The following STXBP5L variants were observed in gnomAD, a reference collection of about 807,000 sequenced individuals.
STXBP5L encodes syntaxin-binding protein 5-like.
In STXBP5L, 65 loss-of-function variants were observed where a neutral mutation model predicts 144.5. The observed-to-expected ratio is 0.45, with a 90% confidence interval of 0.37 to 0.55. STXBP5L has a LOEUF of 0.55. Ranked by LOEUF, STXBP5L falls within the 20% of genes least tolerant of loss-of-function variation. The probability of loss-of-function intolerance (pLI) is 0.00; values close to 1 mark genes in which losing one functional copy is unlikely to be tolerated. For synonymous variants in STXBP5L, 505 were observed against 469.6 expected (o/e 1.08, Z -0.97); for missense variants, 1,298 against 1,405.5 (o/e 0.92, Z 1.22).
chr3:121,213,447 C>A (rs913030273), intron 10 of STXBP5L, among the ~76,000 whole-genome samples: 13 of 152,254 alleles, frequency 8.5e-5, no homozygotes, highest in African/African-American at 2.6e-4. Flanking sequence ...AAGGCCTTTT[C>A]TACATCTATT....
chr3:121,042,422 T>C (rs1947224156), intron 4 of STXBP5L, among the ~76,000 whole-genome samples: 1 of 152,266 alleles, frequency 6.6e-6, no homozygotes, highest in South Asian at 2.1e-4. Context: ...ATCAGATTTT[T>C]ATAGTGGAAA....
chr3:120,911,621 T>C (rs1708845463), intron 2 of STXBP5L, among the ~76,000 whole-genome samples: 1 of 152,048 alleles, frequency 6.6e-6, no homozygotes, highest in African/African-American at 2.4e-5. Context: ...TGTTAAAGTT[T>C]GTAAAATCAC....
At chr3:121,192,935 C>G (rs572460163) in intron 9 of STXBP5L, among the ~76,000 whole-genome samples, 1 of 151,962 alleles carries the variant, frequency 6.6e-6, no homozygotes, top group East Asian at 1.9e-4. Context: ...AACTAAAACA[C>G]CAAAAGCAAT....
At chr3:121,003,260 A>G (rs1398472165) in intron 3 of STXBP5L, among the ~76,000 whole-genome samples, 2 of 152,204 alleles carry the variant, frequency 1.3e-5, no homozygotes, top group South Asian at 2.1e-4. Context: ...AACTGGTGTG[A>G]GACGGTATCT....
At chr3:121,225,718 A>C (rs1291411502) in intron 11 of STXBP5L, among the ~76,000 whole-genome samples, 1 of 152,204 alleles carries the variant, frequency 6.6e-6, no homozygotes, top group African/African-American at 2.4e-5. Flanking sequence ...CCACACCACA[A>C]ATCTTTGCCA....
chr3:121,125,841 G>C (rs1210766469), intron 7 of STXBP5L, among the ~76,000 whole-genome samples: 1 of 152,174 alleles, frequency 6.6e-6, no homozygotes, highest in African/African-American at 2.4e-5. Flanking sequence ...ACACAATTCT[G>C]AAGAGAGGGG....
intron 3 of STXBP5L, among the ~76,000 whole-genome samples, chr3:120,999,234 G>A (rs1412465922): frequency 6.6e-6 from 1 of 152,078 alleles, no homozygotes; most frequent in Non-Finnish European, 1.5e-5. Context: ...TGTATTTTTA[G>A]TAGAGATGTG....
chr3:120,978,867 T>C (rs1386894531), intron 3 of STXBP5L, among the ~76,000 whole-genome samples: 2 of 152,186 alleles, frequency 1.3e-5, no homozygotes, highest in African/African-American at 4.8e-5. Flanking sequence ...CAGATTTTCG[T>C]GAACCGCGAA....
At chr3:121,258,989 G>A in intron 17 of STXBP5L, 54 bp from the exon 18 acceptor site, 1 of 1,473,666 alleles carries the variant, frequency 6.8e-7, no homozygotes, top group Non-Finnish European at 9.1e-7. Context: ...CTCAAGATAA[G>A]TTTGACCATG....
rs2047399906 is a variant in STXBP5L, at chr3:121,423,634, T to G, written c.*4537T>G. 2 of 152,312 alleles carry G rather than the reference T, an allele frequency of 1.3e-5. No individual in the cohort carries two copies. The highest frequency in any genetic ancestry group is 4.1e-4 in the South Asian group (2 of 4,832). 9.4% of individuals were successfully genotyped at this position (152,312 alleles called of 1,614,324 possible). On this transcript the variant is annotated 3_prime_UTR_variant, in exon 27 of 27. Coordinates refer to ENST00000471454, the MANE Select transcript of STXBP5L (RefSeq NM_001308330.2). ...CCTCAGGAAATTTTTAAATTCCCAA[T>G]TATATTAAAATCATTTGGAGTGGGA...
intron 19 of STXBP5L, among the ~76,000 whole-genome samples, chr3:121,306,563 G>T (rs1171441869): frequency 6.6e-6 from 1 of 152,132 alleles, no homozygotes; most frequent in Non-Finnish European, 1.5e-5. Context: ...CGGTCTACGT[G>T]AATAGAGAGC....
At chr3:121,010,429 C>A (rs1480225396) in intron 3 of STXBP5L, among the ~76,000 whole-genome samples, 1 of 151,520 alleles carries the variant, frequency 6.6e-6, no homozygotes, top group African/African-American at 2.4e-5. Flanking sequence ...TCTGCTATTC[C>A]AGAATTCTGT....
At chr3:121,151,534 T>G (rs1382278657) in intron 7 of STXBP5L, among the ~76,000 whole-genome samples, 1 of 152,164 alleles carries the variant, frequency 6.6e-6, no homozygotes, top group South Asian at 2.1e-4. Context: ...AGGCTTAGGT[T>G]ATCACCACCA....
chr3:121,061,047 C>A (rs528508024), intron 5 of STXBP5L, among the ~76,000 whole-genome samples: 3 of 152,060 alleles, frequency 2.0e-5, no homozygotes, highest in East Asian at 1.9e-4. Context: ...TTTTTTAGTT[C>A]TTTTAATTGT....
chr3:121,217,404 A>G (rs899770732), intron 10 of STXBP5L, among the ~76,000 whole-genome samples: 2 of 152,142 alleles, frequency 1.3e-5, no homozygotes, highest in African/African-American at 4.8e-5. Context: ...CTCACAGCAC[A>G]GTCCCTCATG....
chr3:121,159,921 C>T (rs1180452279), intron 9 of STXBP5L, among the ~76,000 whole-genome samples: 2 of 152,082 alleles, frequency 1.3e-5, no homozygotes, highest in Non-Finnish European at 2.9e-5. Flanking sequence ...CGTGAGCCAC[C>T]GCGCCCGGCC....
chr3:121,347,291 T>C (rs531328316), intron 20 of STXBP5L, among the ~76,000 whole-genome samples: 2 of 152,338 alleles, frequency 1.3e-5, no homozygotes, highest in African/African-American at 4.8e-5. Flanking sequence ...CTGAGGGCTC[T>C]ATTCTGTTCC....
chr3:120,997,138 T>G (rs1384782618), intron 3 of STXBP5L, among the ~76,000 whole-genome samples: 3 of 151,840 alleles, frequency 2.0e-5, no homozygotes, highest in Non-Finnish European at 4.4e-5. Context: ...TTTTTATGGC[T>G]GCATAATTTT....
chr3:121,121,580 C>T, intron 6 of STXBP5L, 61 bp from the exon 7 acceptor site: 1 of 1,196,962 alleles, frequency 8.4e-7, no homozygotes, highest in Non-Finnish European at 1.2e-6. Flanking sequence ...TTGTTTCAGT[C>T]TCTAGTGGTA....
Sources: gnomAD v4.1 joint callset for allele counts (sites outside exome capture counted in the v4.1 genomes callset) on GRCh38, gnomAD v4.1.1 for gene constraint, MANE v1.5 for transcripts, NCBI Gene and HGNC (gene_info 2026-07-23, HGNC 2026-07-21) for gene names.